Variants in MACROD2 observed in about 807,000 individuals in gnomAD.
MACROD2 encodes ADP-ribose glycohydrolase MACROD2.
MACROD2 carries 36 observed loss-of-function variants against 70.4 expected under a neutral mutation model. The ratio of observed to expected loss-of-function variants is 0.51; its 90% CI spans 0.39 to 0.68. The LOEUF is 0.68. MACROD2 is among the 30% of genes least tolerant of loss of function. The pLI, the probability that MACROD2 is intolerant of heterozygous loss-of-function variation, is 0.00. For missense variants in MACROD2, 496 were observed against 538.4 expected, an observed-to-expected ratio of 0.92 and a Z score of 0.78; for synonymous variants, 172 against 178.8, an observed-to-expected ratio of 0.96 and a Z score of 0.30.
At chr20:14,353,834 T>C (rs889469365) in intron 3 of MACROD2, among the ~76,000 whole-genome samples, 5 of 152,088 alleles carry the variant, frequency 3.3e-5, no homozygotes, top group African/African-American at 1.2e-4. Context: ...AATGCCTAAA[T>C]TGATTACTTG....
At chr20:14,263,413 C>T (rs1568527213) in intron 3 of MACROD2, among the ~76,000 whole-genome samples, 1 of 152,152 alleles carries the variant, frequency 6.6e-6, no homozygotes, top group Non-Finnish European at 1.5e-5. Flanking sequence ...GTCTGTTACC[C>T]TTTGAAGGAA....
Position 15,658,517 on chromosome 20 carries a change from C to T in MACROD2, c.645+158670C>T, listed in dbSNP as rs572995429. 2.6e-5 allele frequency among the ~76,000 whole-genome samples: 4 copies of T among 152,078 alleles called. No homozygotes were observed. In the South Asian group the frequency reaches 8.3e-4, roughly 32 times the overall value. On this transcript the variant is annotated intron_variant, in intron 8 of 17. Transcript: ENST00000684519. Reference sequence around the variant, plus strand: ...TTTCTCTTCAGAGATCTATGATTGGCGGTAAGAGAGAAGTGAGGTTGGTCA... The same window carrying T: ...TTTCTCTTCAGAGATCTATGATTGGTGGTAAGAGAGAAGTGAGGTTGGTCA...
At chr20:14,493,880 T>C (rs1226693976) in intron 4 of MACROD2, 2 of 153,738 alleles carry the variant, frequency 1.3e-5, no homozygotes, top group Non-Finnish European at 2.9e-5. Context: ...ATTTGGAGGC[T>C]ATGGTTTCTT....
intron 5 of MACROD2, among the ~76,000 whole-genome samples, chr20:14,824,130 A>G (rs908958575): frequency 9.2e-5 from 14 of 152,116 alleles, no homozygotes; most frequent in African/African-American, 1.2e-4. Context: ...GACTTTATTT[A>G]TTCAGAATAT....
At chr20:15,399,770 GA>G (rs1157710225) in intron 6 of MACROD2, among the ~76,000 whole-genome samples, 1 of 152,178 alleles carries the variant, frequency 6.6e-6, no homozygotes, top group Admixed American at 6.5e-5. Flanking sequence ...TTCTTGCACT[GA>G]GAAATGGATA....
intron 6 of MACROD2, among the ~76,000 whole-genome samples, chr20:15,324,541 C>A (rs2077907286): frequency 6.6e-6 from 1 of 152,166 alleles, no homozygotes; most frequent in Non-Finnish European, 1.5e-5. Flanking sequence ...ATAGACCCTG[C>A]AATTAAGCCC....
chr20:15,582,540 T>C (rs766453415), intron 8 of MACROD2, among the ~76,000 whole-genome samples: 1 of 152,214 alleles, frequency 6.6e-6, no homozygotes, highest in Non-Finnish European at 1.5e-5. Context: ...AGCTTATATA[T>C]ACTTGGCAAG....
At chr20:15,588,480 A>G (rs2048633861) in intron 8 of MACROD2, among the ~76,000 whole-genome samples, 1 of 152,220 alleles carries the variant, frequency 6.6e-6, no homozygotes, top group Admixed American at 6.5e-5. Context: ...TCCTCAAAAA[A>G]AATGGGGTTT....
At chr20:15,557,582 C>T (rs1219286341) in intron 8 of MACROD2, among the ~76,000 whole-genome samples, 1 of 152,178 alleles carries the variant, frequency 6.6e-6, no homozygotes, top group Non-Finnish European at 1.5e-5. Context: ...TCTGTGGTTA[C>T]CTGAGACCCT....
At chr20:14,260,791 A>C (rs1601409915) in intron 3 of MACROD2, among the ~76,000 whole-genome samples, 2 of 152,234 alleles carry the variant, frequency 1.3e-5, no homozygotes, top group African/African-American at 4.8e-5. Flanking sequence ...GTGAGCATTA[A>C]ATGATATATG....
At chr20:14,558,604 A>G (rs1328404319) in intron 4 of MACROD2, among the ~76,000 whole-genome samples, 1 of 151,808 alleles carries the variant, frequency 6.6e-6, no homozygotes, top group Non-Finnish European at 1.5e-5. Flanking sequence ...ACATTGTATA[A>G]TTATAAAAAG....
chr20:14,487,764 T>C (rs1053761539), intron 3 of MACROD2, among the ~76,000 whole-genome samples: 2 of 152,214 alleles, frequency 1.3e-5, no homozygotes, highest in African/African-American at 4.8e-5. Flanking sequence ...GGATTTCCAC[T>C]AGCCCCAAGT....
At chr20:14,419,281 T>A (rs367872129) in intron 3 of MACROD2, among the ~76,000 whole-genome samples, 1 of 152,218 alleles carries the variant, frequency 6.6e-6, no homozygotes, top group East Asian at 1.9e-4. Context: ...CTTGAACTCC[T>A]GACCTCAGGT....
intron 2 of MACROD2, among the ~76,000 whole-genome samples, chr20:14,003,232 T>C (rs1175732439): frequency 6.6e-6 from 1 of 152,178 alleles, no homozygotes; most frequent in African/African-American, 2.4e-5. Context: ...AAGACTAGCA[T>C]GGAATTCCTA....
intron 6 of MACROD2, among the ~76,000 whole-genome samples, chr20:15,238,571 A>G (rs896325580): frequency 6.6e-6 from 1 of 152,104 alleles, no homozygotes; most frequent in Non-Finnish European, 1.5e-5. Flanking sequence ...TGTTCTTTCA[A>G]TGATTTGGGA....
intron 4 of MACROD2, among the ~76,000 whole-genome samples, chr20:14,653,245 G>A (rs573050430): frequency 2.8e-5 from 4 of 144,536 alleles, no homozygotes; most frequent in African/African-American, 7.8e-5. Flanking sequence ...TTGAGACGGA[G>A]TTTCGCTCTG....
At position 15,937,478 on chromosome 20, in the gene MACROD2, G is replaced by C; in HGVS notation, c.841G>C (p.Gly281Arg). The change falls in exon 12 of 18, where the codon GGT becomes CGT. Residue 281 changes from glycine to arginine, a missense_variant and splice_region_variant. Gly to Arg is a moderately radical substitution (Grantham distance 125, BLOSUM62 -2). Transcript: ENST00000684519. Reference sequence around the variant, plus strand: ...AGTGTTTCTTTTCTGCTTTATAGATGGTGTCAACACTGTCACTGTGCCCGG... The same window carrying C: ...AGTGTTTCTTTTCTGCTTTATAGATCGTGTCAACACTGTCACTGTGCCCGG... ...EMEEQSQDAD[G>R]VNTVTVPGPA... 6.2e-7 allele frequency: 1 copy of C among 1,613,126 alleles called. No individual in the cohort carries two copies. The highest frequency in any genetic ancestry group is 8.5e-7 in the Non-Finnish European group (1 of 1,179,420).
intron 5 of MACROD2, among the ~76,000 whole-genome samples, chr20:15,206,739 T>G (rs2076709718): frequency 1.2e-5 from 1 of 83,584 alleles, no homozygotes; most frequent in African/African-American, 6.2e-5. Context: ...TTTTTTTTTT[T>G]TTTTTTTTGA....
chr20:15,860,164 C>G (rs1012044045), intron 8 of MACROD2, among the ~76,000 whole-genome samples: 1 of 151,984 alleles, frequency 6.6e-6, no homozygotes, highest in Non-Finnish European at 1.5e-5. Flanking sequence ...AAAAAGTACA[C>G]TTAGCAGAGA....
Sources: gnomAD v4.1 joint callset for allele counts (sites outside exome capture counted in the v4.1 genomes callset) on GRCh38, gnomAD v4.1.1 for gene constraint, MANE v1.5 for transcripts, NCBI Gene and HGNC (gene_info 2026-07-23, HGNC 2026-07-21) for gene names.